Variants in KALRN observed in about 807,000 individuals in gnomAD.
The protein encoded by KALRN is kalirin.
In KALRN, 70 loss-of-function variants were observed where a neutral mutation model predicts 353.7. The observed-to-expected ratio is 0.20, with a 90% CI of 0.16 to 0.24. The LOEUF is 0.24. KALRN is among the 10% of genes least tolerant of loss of function. The probability of loss-of-function intolerance (pLI) is 1.00; values close to 1 mark genes in which losing one functional copy is unlikely to be tolerated. For missense variants in KALRN, 2,791 were observed against 3,756.7 expected (o/e 0.74, Z 6.72); for synonymous variants, 1,391 against 1,434.8 (o/e 0.97, Z 0.69).
intron 3 of KALRN, among the ~76,000 whole-genome samples, chr3:124,247,705 G>T (rs2070510260): frequency 6.6e-6 from 1 of 152,134 alleles, no homozygotes; most frequent in Non-Finnish European, 1.5e-5. Flanking sequence ...AAACATTGAA[G>T]ATAATTTGTC....
At chr3:124,611,939 T>C (rs1162627943) in intron 34 of KALRN, among the ~76,000 whole-genome samples, 2 of 152,244 alleles carry the variant, frequency 1.3e-5, no homozygotes, top group African/African-American at 4.8e-5. Context: ...AGGTCTCAGC[T>C]TAAATGTCAC....
intron 1 of KALRN, among the ~76,000 whole-genome samples, chr3:124,215,181 G>C (rs1173190571): frequency 6.6e-6 from 1 of 152,196 alleles, no homozygotes; most frequent in East Asian, 1.9e-4. Flanking sequence ...TGCACAATCA[G>C]CTGGGCAGCT....
chr3:124,432,086 T>C (rs1286659895), intron 16 of KALRN, among the ~76,000 whole-genome samples: 1 of 152,088 alleles, frequency 6.6e-6, no homozygotes, highest in Non-Finnish European at 1.5e-5. Flanking sequence ...ATGTATTCAC[T>C]ATAAAGAAAA....
intron 17 of KALRN, among the ~76,000 whole-genome samples, chr3:124,437,962 G>A (rs2093537537): frequency 6.6e-6 from 1 of 152,082 alleles, no homozygotes; most frequent in Non-Finnish European, 1.5e-5. Context: ...ATAGTAAATA[G>A]TTGTTATATG....
chr3:124,399,169 C>T (rs9833969), intron 13 of KALRN, among the ~76,000 whole-genome samples: 20,436 of 152,066 alleles, frequency 0.13, 1,521 homozygotes, highest in Admixed American at 0.17. Flanking sequence ...GAAGGAGTCT[C>T]GCTCTGTTGC....
At chr3:124,174,456 C>T (rs1436809943) in intron 1 of KALRN, among the ~76,000 whole-genome samples, 1 of 152,100 alleles carries the variant, frequency 6.6e-6, no homozygotes, top group East Asian at 1.9e-4. Context: ...AAAAGTATAG[C>T]ATTTTATACA....
intron 33 of KALRN, among the ~76,000 whole-genome samples, chr3:124,547,708 G>A (rs2069874081): frequency 1.3e-5 from 2 of 152,150 alleles, no homozygotes; most frequent in African/African-American, 4.8e-5. Context: ...TGGTTACAAT[G>A]TGGCTCCCCT....
At chr3:124,059,626 C>T (rs969272498) in intron 1 of KALRN, among the ~76,000 whole-genome samples, 1 of 152,170 alleles carries the variant, frequency 6.6e-6, no homozygotes, top group Non-Finnish European at 1.5e-5. Flanking sequence ...ATGTGTGTGC[C>T]TGTTGGGCAC....
chr3:124,558,336 G>A (rs2071535420), intron 33 of KALRN, among the ~76,000 whole-genome samples: 1 of 151,962 alleles, frequency 6.6e-6, no homozygotes. Context: ...GGAGTGCAAT[G>A]GCATGATCTC....
intron 33 of KALRN, among the ~76,000 whole-genome samples, chr3:124,512,604 T>C (rs982509231): frequency 2.6e-5 from 4 of 151,874 alleles, no homozygotes; most frequent in African/African-American, 9.7e-5. Context: ...TGAGCTGAGA[T>C]CACACCACTG....
At position 124,488,342 on chromosome 3, in the gene KALRN, G is replaced by C. The variant is rs184330691; in HGVS notation, c.4396+27G>C. On this transcript the variant is annotated intron_variant, in intron 29 of 59. Transcript: ENST00000682506. ...TAGCTGTCCTCCCAGCACTGGGGAA[G>C]CCTCCTCTCTTCCTTGACACGGGGG... 1.1e-5 allele frequency: 16 copies of C among 1,446,676 alleles called. No individual in the cohort carries two copies. The East Asian group carries it at 3.4e-4, about 31-fold the overall frequency. 89.6% of individuals were successfully genotyped at this position (1,446,676 alleles called of 1,614,324 possible).
chr3:124,610,856 G>T (rs1350440670), intron 34 of KALRN, among the ~76,000 whole-genome samples: 1 of 142,266 alleles, frequency 7.0e-6, no homozygotes, highest in Admixed American at 7.0e-5. Context: ...ACAAAAAAAA[G>T]AAAAGAAAAG....
chr3:124,298,392 C>T (rs550468380), intron 5 of KALRN, among the ~76,000 whole-genome samples: 1 of 152,250 alleles, frequency 6.6e-6, no homozygotes, highest in African/African-American at 2.4e-5. Context: ...AAGGATGTCC[C>T]TGTTGCTTCC....
intron 26 of KALRN, among the ~76,000 whole-genome samples, chr3:124,475,942 A>G (rs892414155): frequency 1.3e-5 from 2 of 152,210 alleles, no homozygotes; most frequent in African/African-American, 4.8e-5. Flanking sequence ...CACAGCAAAC[A>G]TAGAGAATGA....
chr3:124,521,844 G>T (rs1256548851), intron 33 of KALRN, among the ~76,000 whole-genome samples: 1 of 152,070 alleles, frequency 6.6e-6, no homozygotes, highest in Non-Finnish European at 1.5e-5. Context: ...TCATCTCCCA[G>T]ATTCAGCAGT....
intron 45 of KALRN, among the ~76,000 whole-genome samples, chr3:124,664,378 C>CGCGT (rs1559801191): frequency 6.8e-6 from 1 of 148,108 alleles, no homozygotes; most frequent in Non-Finnish European, 1.5e-5. Flanking sequence ...TGTGCGCGCG[C>CGCGT]GCGCATATAA....
At chr3:124,522,864 G>A (rs1020909080) in intron 33 of KALRN, among the ~76,000 whole-genome samples, 9 of 152,122 alleles carry the variant, frequency 5.9e-5, no homozygotes, top group East Asian at 1.9e-4. Context: ...CAGCAGAATC[G>A]TTTAAAAATT....
At chr3:124,235,896 G>A (rs1190312187) in intron 3 of KALRN, among the ~76,000 whole-genome samples, 1 of 152,198 alleles carries the variant, frequency 6.6e-6, no homozygotes, top group Non-Finnish European at 1.5e-5. Flanking sequence ...CTTTGCCTTT[G>A]CTGGAAGACC....
intron 10 of KALRN, among the ~76,000 whole-genome samples, chr3:124,371,632 T>C (rs2149797699): frequency 6.6e-6 from 1 of 152,294 alleles, no homozygotes; most frequent in South Asian, 2.1e-4. Flanking sequence ...TGGAATAATT[T>C]CTTTAAAAAA....
Sources: allele counts gnomAD v4.1 joint callset (sites outside exome capture counted in the v4.1 genomes callset), GRCh38; gene constraint gnomAD v4.1.1; transcripts MANE v1.5; gene names NCBI Gene and HGNC (gene_info 2026-07-23, HGNC 2026-07-21).